The following CSPP1 variants were observed in gnomAD, a reference collection of about 807,000 sequenced individuals.
The protein encoded by CSPP1 is centrosome and spindle pole-associated protein 1.
Under a neutral mutation model 164.4 loss-of-function variants are expected in CSPP1, and 126 were observed. That is an observed-to-expected ratio of 0.77 (90% confidence interval 0.66 to 0.89). The LOEUF is 0.89. CSPP1 is among the 40% of genes least tolerant of loss of function. The probability of loss-of-function intolerance (pLI) is 0.00; values close to 1 mark genes in which losing one functional copy is unlikely to be tolerated. For missense variants in CSPP1, 1,395 were observed against 1,449.8 expected (o/e 0.96, Z 0.61); for synonymous variants, 472 against 476.7 (o/e 0.99, Z 0.13).
chr8:67,086,012 G>T lies in CSPP1; in HGVS notation c.205G>T (p.Asp69Tyr). The T allele has an allele frequency of 7.6e-7, 1 of 1,317,344 alleles. No homozygotes were observed. The highest frequency in any genetic ancestry group is 1.1e-6 in the Non-Finnish European group (1 of 911,726). The allele number at this position is 1,317,344 out of a possible 1,614,324, so 81.6% of individuals were successfully genotyped here. Residue 69 changes from aspartate to tyrosine, a missense_variant, in exon 4 of 31, where the codon GAT becomes TAT. Coordinates refer to ENST00000678616, the MANE Select transcript of CSPP1 (RefSeq NM_001382391.1). ...SQQTRGSLGI[D>Y]YGLSLPLGED... is the part of the protein sequence containing the mutation. ...AGAAGTTGTTTTTTTTCTAGGAATTGATTATGGATTAAGTTTACCACTTGG... is the reference window on the plus strand; with the variant it reads ...AGAAGTTGTTTTTTTTCTAGGAATTTATTATGGATTAAGTTTACCACTTGG...
intron 7 of CSPP1, among the ~76,000 whole-genome samples, chr8:67,097,622 A>G (rs1383882301): frequency 6.6e-6 from 1 of 152,056 alleles, no homozygotes. Context: ...GTGTTTGTTT[A>G]CGTTTAGGGT....
chr8:67,136,399 T>C (rs1158193039), intron 16 of CSPP1, among the ~76,000 whole-genome samples: 1 of 151,454 alleles, frequency 6.6e-6, no homozygotes, highest in African/African-American at 2.4e-5. Flanking sequence ...TGAAACCCCG[T>C]CTCTACTAAA....
intron 24 of CSPP1, 111 bp from the exon 25 acceptor site, chr8:67,172,301 ATTTT>A: frequency 1.3e-6 from 1 of 764,092 alleles, no homozygotes; most frequent in Middle Eastern, 2.5e-4. Flanking sequence ...TCCTAGAGTA[ATTTT>A]TTAATAATAT....
At chr8:67,068,145 G>A (rs1457734199) in intron 1 of CSPP1, among the ~76,000 whole-genome samples, 1 of 152,084 alleles carries the variant, frequency 6.6e-6, no homozygotes, top group Admixed American at 6.5e-5. Flanking sequence ...CACTGCGCCT[G>A]GCCTGATCTG....
At chr8:67,115,229 A>G (rs551837488) in intron 12 of CSPP1, 1 of 152,390 alleles carries the variant, frequency 6.6e-6, no homozygotes, top group South Asian at 2.1e-4. Context: ...TTAGAGAAGT[A>G]GCACGGTGTC....
Position 67,118,832 on chromosome 8 carries a change from A to G in CSPP1, c.1697+11A>G. The G allele has an allele frequency of 6.3e-7, 1 of 1,577,888 alleles. No individual in the cohort carries two copies. On this transcript the variant is annotated intron_variant, in intron 15 of 30. Coordinates refer to ENST00000678616, the MANE Select transcript of CSPP1 (RefSeq NM_001382391.1). Reference sequence around the variant, plus strand: ...AGCACAACCTGTTGTGTAAGTTATTAGTTAAAAGAATAATTTTTTCCCCAC... The same window carrying G: ...AGCACAACCTGTTGTGTAAGTTATTGGTTAAAAGAATAATTTTTTCCCCAC...
chr8:67,167,335 CGGCTGGGCGGA>C lies in CSPP1; in HGVS notation c.2828+2833_2828+2843del, dbSNP rs1432558253. On this transcript the variant is annotated intron_variant, in intron 24 of 30. Transcript: ENST00000678616. ...CACCCCCACCTCCCGGATGGGGCGG[CGGCTGGGCGGA>C]GGCTGCCCCCCACCTCCCACCCGGA... Among the ~76,000 whole-genome samples the C allele has an allele frequency of 2.3e-3, 296 of 126,490 alleles. 2 individuals are homozygous for C. Among genetic ancestry groups the C allele is most frequent in the Non-Finnish European group, 4.1e-3 (244 of 58,900 alleles). 83.0% of individuals were successfully genotyped at this position (126,490 alleles called of 152,430 possible). A position where few individuals can be genotyped will look rare whatever the true frequency, so the allele number is the denominator to read the frequency against.
chr8:67,132,081 G>A lies in CSPP1; in HGVS notation c.1827+1G>A. 6.2e-7 allele frequency: 1 copy of A among 1,611,562 alleles called. No homozygotes were observed. Among genetic ancestry groups the A allele is most frequent in the Middle Eastern group, 1.7e-4 (1 of 6,042 alleles). ...TTACCAAGAGGCTTTGCAGCAGCAGGTATTGATTCATTTACTCATTTACTG... is the reference window on the plus strand; with the variant it reads ...TTACCAAGAGGCTTTGCAGCAGCAGATATTGATTCATTTACTCATTTACTG... On this transcript the variant is annotated splice_donor_variant, in intron 16 of 30. Coordinates refer to ENST00000678616, the MANE Select transcript of CSPP1 (RefSeq NM_001382391.1). LOFTEE classifies it high-confidence loss of function.
chr8:67,191,078 A>C (rs989772787), intron 29 of CSPP1, among the ~76,000 whole-genome samples: 1 of 152,222 alleles, frequency 6.6e-6, no homozygotes, highest in Non-Finnish European at 1.5e-5. Context: ...TTTATTGAAA[A>C]GCTTCATAAT....
rs368413140 is a variant in CSPP1, at chr8:67,064,478, C to G, written c.-71C>G. On this transcript the variant is annotated 5_prime_UTR_variant, in exon 1 of 31. Transcript: ENST00000678616. ...CTAGAGCACTGTGTGTCTCCCCGGA[C>G]GCGAGCCCGCTCCCCTGAGTAAGAG... is the stretch of plus-strand genomic sequence containing the variant. 3.7e-6 allele frequency: 6 copies of G among 1,613,796 alleles called. No individual in the cohort carries two copies. In the African/African-American group the frequency reaches 8.0e-5, roughly 22 times the overall value.
intron 19 of CSPP1, among the ~76,000 whole-genome samples, chr8:67,154,953 A>G (rs1222054918): frequency 6.6e-6 from 1 of 152,250 alleles, no homozygotes; most frequent in African/African-American, 2.4e-5. Flanking sequence ...ATTATTACAG[A>G]TTGTAAATAA....
rs1818438638 is a variant in CSPP1 at position 67,118,830 on chromosome 8, T to C, written c.1697+9T>C. The C allele has an allele frequency of 6.3e-7, 1 of 1,587,074 alleles. No individual in the cohort carries two copies. Among genetic ancestry groups the C allele is most frequent in the African/African-American group, 1.3e-5 (1 of 74,394 alleles). On this transcript the variant is annotated intron_variant, in intron 15 of 30. Transcript: ENST00000678616. ...CTAGCACAACCTGTTGTGTAAGTTA[T>C]TAGTTAAAAGAATAATTTTTTCCCC...
intron 20 of CSPP1, 112 bp downstream of exon 20, chr8:67,158,708 A>T (rs1039188817): frequency 7.6e-6 from 10 of 1,310,976 alleles, no homozygotes; most frequent in African/African-American, 1.5e-5. Flanking sequence ...ACATTTAGAA[A>T]ATATCAGATC....
chr8:67,133,782 C>T (rs895948663), intron 16 of CSPP1: 8 of 152,208 alleles, frequency 5.3e-5, no homozygotes, highest in African/African-American at 1.9e-4. Context: ...CCTCTCAAAA[C>T]CCTGCTGATG....
chr8:67,148,591 T>C (rs1825081542), intron 17 of CSPP1, among the ~76,000 whole-genome samples: 2 of 152,226 alleles, frequency 1.3e-5, no homozygotes, highest in South Asian at 2.1e-4. Flanking sequence ...CCATTCTCTT[T>C]TGTAGCATTT....
chr8:67,100,255 A>G (rs1417446043), intron 7 of CSPP1, among the ~76,000 whole-genome samples: 1 of 152,194 alleles, frequency 6.6e-6, no homozygotes, highest in Non-Finnish European at 1.5e-5. Context: ...CCTTAACCTT[A>G]TACATAAATA....
chr8:67,105,281 C>T (rs1815251284), intron 8 of CSPP1, among the ~76,000 whole-genome samples: 1 of 152,014 alleles, frequency 6.6e-6, no homozygotes, highest in African/African-American at 2.4e-5. Context: ...CTGCCTTGGC[C>T]TCCCAGGGTG....
At chr8:67,102,818 T>C (rs1424152776) in intron 7 of CSPP1, among the ~76,000 whole-genome samples, 1 of 152,220 alleles carries the variant, frequency 6.6e-6, no homozygotes, top group Non-Finnish European at 1.5e-5. Context: ...TAAAATAACA[T>C]AATCTTTTTA....
Position 67,195,852 on chromosome 8 carries a change from CTAT to C in CSPP1, c.*260_*262del. On this transcript the variant is annotated 3_prime_UTR_variant, in exon 31 of 31. Coordinates refer to ENST00000678616, the MANE Select transcript of CSPP1 (RefSeq NM_001382391.1). ...GGTGGTAATGAACTGGATTGAACTA[CTAT>C]ATGTGCATTATATTGAATTCTGCTT... The C allele has an allele frequency of 2.5e-6, 1 of 398,828 alleles. No homozygotes were observed. Among genetic ancestry groups the C allele is most frequent in the South Asian group, 3.2e-5 (1 of 31,142 alleles). 24.7% of individuals were successfully genotyped at this position (398,828 alleles called of 1,614,324 possible). A position where few individuals can be genotyped will look rare whatever the true frequency, so the allele number is the denominator to read the frequency against.
Sources: gnomAD v4.1 joint callset for allele counts (sites outside exome capture counted in the v4.1 genomes callset) on GRCh38, gnomAD v4.1.1 for gene constraint, MANE v1.5 for transcripts, NCBI Gene and HGNC (gene_info 2026-07-23, HGNC 2026-07-21) for gene names.